MATN2: variants seen among roughly 807,000 people sequenced by gnomAD.
The protein encoded by MATN2 is matrilin 2, also known as matrilin-2.
A neutral mutation model predicts 103.2 loss-of-function variants in MATN2; 69 were observed. That is an observed-to-expected ratio of 0.67 (90% CI 0.55 to 0.82). MATN2 has a LOEUF of 0.82. Among genes scored for constraint, MATN2 ranks in the 40% least tolerant of loss-of-function variants. MATN2 has a pLI of 0.00. For missense variants in MATN2, 1,023 were observed against 1,211.5 expected (o/e 0.84, Z 2.31); for synonymous variants, 429 against 450.2 (o/e 0.95, Z 0.60).
chr8:97,890,215 C>G (rs1818581038), intron 2 of MATN2, among the ~76,000 whole-genome samples: 1 of 152,114 alleles, frequency 6.6e-6, no homozygotes, highest in African/African-American at 2.4e-5. Context: ...ACCTGCAATC[C>G]CAGCACTTTG....
At chr8:97,972,338 C>CAAAAAAAAAAAAAA (rs3076713) in intron 5 of MATN2, among the ~76,000 whole-genome samples, 1 of 126,876 alleles carries the variant, frequency 7.9e-6, no homozygotes, top group South Asian at 2.7e-4. Context: ...GACCCTGTCT[C>CAAAAAAAAAAAAAA]AAAAAAAAAA....
rs574818050 is a variant in MATN2 at position 97,909,878 on chromosome 8, G to A, written c.143-21075G>A. On this transcript the variant is annotated intron_variant, in intron 2 of 18. Transcript: ENST00000254898. ...GGCTCACTGCAAGCTCCGCCTCCCG[G>A]GTTCAGGCCATTCTCCTGCCTCAGC... Among the ~76,000 whole-genome samples the A allele has an allele frequency of 2.6e-5, 4 of 152,162 alleles. No individual in the cohort carries two copies. The South Asian group carries it at 8.3e-4, about 32-fold the overall frequency.
At chr8:97,913,154 A>C (rs905674325) in intron 2 of MATN2, among the ~76,000 whole-genome samples, 1 of 152,162 alleles carries the variant, frequency 6.6e-6, no homozygotes, top group African/African-American at 2.4e-5. Context: ...CTTTGTGAAT[A>C]TATTGAATTG....
intron 11 of MATN2, 24 bp downstream of exon 11, chr8:98,016,686 C>G (rs1314404834): frequency 1.2e-6 from 2 of 1,605,702 alleles, no homozygotes; most frequent in South Asian, 2.2e-5. Flanking sequence ...GGAGCTGGCT[C>G]CTACTACTAT....
At chr8:97,925,799 C>T (rs1809969668) in intron 2 of MATN2, among the ~76,000 whole-genome samples, 1 of 152,110 alleles carries the variant, frequency 6.6e-6, no homozygotes, top group Admixed American at 6.5e-5. Context: ...ATTTCAGAGC[C>T]CCCTTTGGTC....
At chr8:97,962,001 C>A (rs1811330022) in intron 5 of MATN2, among the ~76,000 whole-genome samples, 1 of 152,180 alleles carries the variant, frequency 6.6e-6, no homozygotes, top group African/African-American at 2.4e-5. Flanking sequence ...AGAGCCCAGC[C>A]ATATGGGCTC....
At chr8:97,933,003 C>T (rs117025100) in intron 3 of MATN2, among the ~76,000 whole-genome samples, 1 of 152,210 alleles carries the variant, frequency 6.6e-6, no homozygotes, top group East Asian at 1.9e-4. Context: ...ATATTCTAGA[C>T]CTCTAAGATA....
intron 2 of MATN2, among the ~76,000 whole-genome samples, chr8:97,905,380 C>A (rs1327535493): frequency 1.3e-5 from 2 of 151,992 alleles, no homozygotes; most frequent in Admixed American, 1.3e-4. Flanking sequence ...GAAGCAATAA[C>A]TCCTCATTCT....
At position 97,956,603 on chromosome 8, in the gene MATN2, A is replaced by G. The variant is rs182392939; in HGVS notation, c.836-4805A>G. On this transcript the variant is annotated intron_variant, in intron 4 of 18. Transcript: ENST00000254898. ...GTTACTCCCAGGTGTTGCCATGGCA[A>G]TGGTAAACTGACATGTCACACTGGT... 1.6e-3 allele frequency among the ~76,000 whole-genome samples: 243 copies of G among 152,290 alleles called. 5 individuals are homozygous for G. The East Asian group carries it at 0.02, about 13-fold the overall frequency.
chr8:97,889,459 C>CTCTATATATATA (rs1818554246), intron 2 of MATN2, among the ~76,000 whole-genome samples: 2 of 123,366 alleles, frequency 1.6e-5, no homozygotes, highest in Non-Finnish European at 3.4e-5. Context: ...CTCTCTCTGT[C>CTCTATATATATA]TATATATATA....
chr8:97,913,686 C>T (rs1809528074), intron 2 of MATN2, among the ~76,000 whole-genome samples: 1 of 149,852 alleles, frequency 6.7e-6, no homozygotes, highest in Non-Finnish European at 1.5e-5. Flanking sequence ...ACAATCTCGG[C>T]TCACTGCAAC....
chr8:98,000,848 A>C (rs1812759741), intron 7 of MATN2, among the ~76,000 whole-genome samples: 1 of 152,216 alleles, frequency 6.6e-6, no homozygotes, highest in South Asian at 2.1e-4. Flanking sequence ...GAAGCATCAC[A>C]GATACAAAAC....
intron 7 of MATN2, among the ~76,000 whole-genome samples, chr8:98,000,604 A>AAAG (rs1554613599): frequency 7.9e-6 from 1 of 127,208 alleles, no homozygotes; most frequent in Non-Finnish European, 1.7e-5. Flanking sequence ...CTCAAAAAAA[A>AAAG]AAAAAAGAAA....
At chr8:97,872,159 C>T (rs1207678169) in intron 1 of MATN2, among the ~76,000 whole-genome samples, 1 of 152,154 alleles carries the variant, frequency 6.6e-6, no homozygotes, top group Non-Finnish European at 1.5e-5. Flanking sequence ...GATACTATGT[C>T]ATAGGGTTGT....
chr8:97,929,499 C>T (rs898679909), intron 2 of MATN2, among the ~76,000 whole-genome samples: 1 of 152,182 alleles, frequency 6.6e-6, no homozygotes, highest in African/African-American at 2.4e-5. Context: ...AATGCCCAGC[C>T]TCCACCCACT....
chr8:97,875,688 C>CTT (rs1586364670), intron 1 of MATN2, among the ~76,000 whole-genome samples: 6 of 109,906 alleles, frequency 5.5e-5, no homozygotes, highest in African/African-American at 2.0e-4. Flanking sequence ...GAGTATTTGC[C>CTT]TGTTTTTTTT....
intron 6 of MATN2, 36 bp from the exon 7 acceptor site, chr8:97,994,444 T>C: frequency 6.3e-7 from 1 of 1,586,286 alleles, no homozygotes; most frequent in Non-Finnish European, 8.6e-7. Flanking sequence ...CTTTATTGAT[T>C]GGTTTGCCAT....
At chr8:97,938,467 C>T (rs544040728) in intron 3 of MATN2, among the ~76,000 whole-genome samples, 1 of 152,262 alleles carries the variant, frequency 6.6e-6, no homozygotes, top group South Asian at 2.1e-4. Context: ...AGACCCAGTC[C>T]TAGAGAAAAC....
Position 97,983,702 on chromosome 8 carries a change from C to T in MATN2, c.1081+4694C>T, listed in dbSNP as rs190372211. ...CATTATACTCATTGTTTTTCAGTCT[C>T]CAGTAATAACTTGGTTGACATTTCC... On this transcript the variant is annotated intron_variant, in intron 6 of 18. Transcript: ENST00000254898. Among the ~76,000 whole-genome samples, 257 of 152,238 alleles carry T rather than the reference C, an allele frequency of 1.7e-3. 1 individual carries two copies. Among genetic ancestry groups the T allele is most frequent in the Admixed American group, 5.0e-3 (77 of 15,290 alleles).
Sources: allele counts gnomAD v4.1 joint callset (sites outside exome capture counted in the v4.1 genomes callset), GRCh38; gene constraint gnomAD v4.1.1; transcripts MANE v1.5; gene names NCBI Gene and HGNC (gene_info 2026-07-23, HGNC 2026-07-21).